Variants in MAPK14 observed in about 807,000 individuals in gnomAD.
MAPK14 encodes the protein CSAID-binding protein.
In MAPK14, 16 loss-of-function variants were observed where a neutral mutation model predicts 49.6. The observed-to-expected ratio is 0.32, with a 90% CI of 0.22 to 0.49. The LOEUF is 0.49. MAPK14 is among the 20% of genes least tolerant of loss of function. The pLI is 0.99. For synonymous variants in MAPK14, 142 were observed against 158.0 expected (o/e 0.90, Z 0.76); for missense variants, 200 against 441.2 (o/e 0.45, Z 4.90).
At chr6:36,059,368 T>G in intron 3 of MAPK14, 21 bp downstream of exon 3, 1 of 1,582,970 alleles carries the variant, frequency 6.3e-7, no homozygotes, top group Non-Finnish European at 8.7e-7. Flanking sequence ...TTTTTGCATT[T>G]GCCTTCCTGG....
chr6:36,063,426 A>C lies in MAPK14; in HGVS notation c.305+4079A>C, dbSNP rs2127430654. Among the ~76,000 whole-genome samples the C allele has an allele frequency of 1.3e-5, 2 of 152,216 alleles. 1 individual carries two copies. The highest frequency in any genetic ancestry group is 4.2e-4 in the South Asian group (2 of 4,808). On this transcript the variant is annotated intron_variant, in intron 3 of 11. Coordinates refer to ENST00000229794, the MANE Select transcript of MAPK14 (RefSeq NM_139012.3). ...AACATAGGGAAACCCCTTCTCTACA[A>C]AAAAATTTAAAAAATTAGCCGAGCA...
At chr6:36,053,166 T>C (rs903421717) in intron 2 of MAPK14, among the ~76,000 whole-genome samples, 5 of 149,148 alleles carry the variant, frequency 3.4e-5, no homozygotes, top group Non-Finnish European at 6.0e-5. Context: ...TGCCTGGTTT[T>C]CCTAAGGCTA....
intron 9 of MAPK14, among the ~76,000 whole-genome samples, chr6:36,098,256 A>G (rs928630652): frequency 2.0e-5 from 3 of 152,254 alleles, no homozygotes; most frequent in Non-Finnish European, 4.4e-5. Context: ...TTTAGAACCT[A>G]TTAGAATGAG....
chr6:36,099,246 T>C (rs1210441846), intron 9 of MAPK14, among the ~76,000 whole-genome samples: 1 of 152,234 alleles, frequency 6.6e-6, no homozygotes, highest in Non-Finnish European at 1.5e-5. Flanking sequence ...TTGAATTACA[T>C]TGAATATTTT....
Position 36,108,524 on chromosome 6 carries a change from T to C in MAPK14, c.*77T>C. On this transcript the variant is annotated 3_prime_UTR_variant, in exon 12 of 12. Coordinates refer to ENST00000229794, the MANE Select transcript of MAPK14 (RefSeq NM_139012.3). The stretch of plus-strand genomic sequence containing the variant: ...TTCACGGGAACTCTCCAAATATTAT[T>C]CAAGTGCCTCTTGTTGCAGAGATTT... 1 of 1,164,556 alleles carries C rather than the reference T, an allele frequency of 8.6e-7. No homozygotes were observed. Among genetic ancestry groups the C allele is most frequent in the Non-Finnish European group, 1.3e-6 (1 of 771,646 alleles). The allele number at this position is 1,164,556 out of a possible 1,614,324, so 72.1% of individuals were successfully genotyped here. A position where few individuals can be genotyped will look rare whatever the true frequency, so the allele number is the denominator to read the frequency against.
intron 1 of MAPK14, among the ~76,000 whole-genome samples, chr6:36,051,568 G>A (rs887427584): frequency 1.3e-5 from 2 of 152,036 alleles, no homozygotes; most frequent in Non-Finnish European, 2.9e-5. Flanking sequence ...ACTCACTCCA[G>A]CATGCCATAC....
intron 8 of MAPK14, among the ~76,000 whole-genome samples, chr6:36,090,928 T>C (rs945006961): frequency 6.6e-6 from 1 of 152,220 alleles, no homozygotes; most frequent in Non-Finnish European, 1.5e-5. Flanking sequence ...TTAAGAAATT[T>C]TCTTTGTGTT....
At chr6:36,074,010 C>A (rs1423215411) in intron 5 of MAPK14, 39 bp from the exon 6 acceptor site, 9 of 1,488,038 alleles carry the variant, frequency 6.0e-6, no homozygotes, top group Non-Finnish European at 6.6e-6. Flanking sequence ...GATCATGCAT[C>A]ATAAAGTTGA....
At chr6:36,088,322 A>G (rs1177230888) in intron 8 of MAPK14, among the ~76,000 whole-genome samples, 1 of 152,232 alleles carries the variant, frequency 6.6e-6, no homozygotes, top group Non-Finnish European at 1.5e-5. Context: ...TGAACAGACA[A>G]CCTACAGAAT....
At chr6:36,105,326 T>C (rs1765768087) in intron 10 of MAPK14, among the ~76,000 whole-genome samples, 1 of 152,106 alleles carries the variant, frequency 6.6e-6, no homozygotes, top group Non-Finnish European at 1.5e-5. Flanking sequence ...CATGATAACC[T>C]CGAACTCTTG....
At chr6:36,100,176 T>G (rs1173514263) in intron 9 of MAPK14, 28 of 1,578,862 alleles carry the variant, frequency 1.8e-5, no homozygotes, top group Non-Finnish European at 2.0e-5. Context: ...TGCCCTTGAC[T>G]AGGCATCTAA....
intron 1 of MAPK14, among the ~76,000 whole-genome samples, chr6:36,037,333 AGTG>A (rs975821773): frequency 6.6e-6 from 1 of 152,154 alleles, no homozygotes; most frequent in African/African-American, 2.4e-5. Flanking sequence ...GGGAAGAAGA[AGTG>A]GTGGTTTGTA....
At chr6:36,123,598 A>G in the MAPK14 span, among the ~76,000 whole-genome samples, 1 of 152,206 alleles carries the variant, frequency 6.6e-6, no homozygotes, top group Admixed American at 6.5e-5. Context: ...TTCAGTCACT[A>G]AGTCTTTACT....
At chr6:36,071,192 G>A (rs868477180) in intron 3 of MAPK14, among the ~76,000 whole-genome samples, 1 of 151,988 alleles carries the variant, frequency 6.6e-6, no homozygotes, top group South Asian at 2.1e-4. Context: ...AATTAGCCAG[G>A]CATGGTGGCG....
At position 36,087,253 on chromosome 6, in the gene MAPK14, C is replaced by G. The variant is rs973637768; in HGVS notation, c.683-8734C>G. On this transcript the variant is annotated intron_variant, in intron 8 of 11. Transcript: ENST00000229794. The stretch of plus-strand genomic sequence containing the variant: ...CACAAGGATGCCCTCTTTCCCTACT[C>G]CTATTCAACATAGTATTGGAAATTC... Among the ~76,000 whole-genome samples, 3 of 152,164 alleles carry G rather than the reference C, an allele frequency of 2.0e-5. No individual in the cohort carries two copies. In the South Asian group the frequency reaches 6.2e-4, roughly 32 times the overall value.
chr6:36,075,745 T>C, intron 6 of MAPK14, 103 bp from the exon 7 acceptor site: 1 of 1,519,524 alleles, frequency 6.6e-7, no homozygotes, highest in Non-Finnish European at 9.0e-7. Flanking sequence ...TGTTCTCCTT[T>C]TTAATAAGGC....
At chr6:36,082,809 C>G (rs1764820125) in intron 8 of MAPK14, among the ~76,000 whole-genome samples, 2 of 152,128 alleles carry the variant, frequency 1.3e-5, no homozygotes, top group South Asian at 4.1e-4. Flanking sequence ...CTTCTGTTCA[C>G]AGTTTTCTGA....
Position 36,030,483 on chromosome 6 carries a change from C to G in MAPK14, c.116+2210C>G, listed in dbSNP as rs536415401. Among the ~76,000 whole-genome samples the G allele has an allele frequency of 3.9e-5, 6 of 152,062 alleles. No homozygotes were observed. The East Asian group carries it at 7.7e-4, about 20-fold the overall frequency. ...CGGGTGGATCACAGCGTCAGGAGAT[C>G]GAGACCATCCTGGCTAACACGGTGA... On this transcript the variant is annotated intron_variant, in intron 1 of 11. Coordinates refer to ENST00000229794, the MANE Select transcript of MAPK14 (RefSeq NM_139012.3).
intron 8 of MAPK14, among the ~76,000 whole-genome samples, chr6:36,094,653 T>G (rs1765377368): frequency 1.3e-5 from 2 of 152,236 alleles, no homozygotes; most frequent in Non-Finnish European, 2.9e-5. Context: ...AAAATTTCTT[T>G]CATCCTGCTC....
Sources: allele counts gnomAD v4.1 joint callset (sites outside exome capture counted in the v4.1 genomes callset), GRCh38; gene constraint gnomAD v4.1.1; transcripts MANE v1.5; gene names NCBI Gene and HGNC (gene_info 2026-07-23, HGNC 2026-07-21).